DMD: variants seen among roughly 807,000 people sequenced by gnomAD.
DMD encodes mutant dystrophin.
Under a neutral mutation model 330.1 loss-of-function variants are expected in DMD, and 63 were observed. The observed-to-expected ratio is 0.19, with a 90% CI of 0.16 to 0.24. DMD has a LOEUF of 0.24. DMD is among the 10% of genes least tolerant of loss of function. The probability of loss-of-function intolerance (pLI) is 1.00; values close to 1 mark genes in which losing one functional copy is unlikely to be tolerated. For synonymous variants in DMD, 1,223 were observed against 959.8 expected (o/e 1.27, Z -5.07); for missense variants, 3,344 against 2,684.1 (o/e 1.25, Z -5.43).
chrX:31,309,303 T>C (rs964746191), intron 62 of DMD, among the ~76,000 whole-genome samples: 13 of 111,688 alleles, frequency 1.2e-4, no homozygotes, highest in African/African-American at 4.2e-4. Flanking sequence ...TGGGACGTTA[T>C]AGAGGCTCTT....
chrX:32,555,509 A>T (rs368341886), intron 16 of DMD, among the ~76,000 whole-genome samples: 97 of 111,554 alleles, frequency 8.7e-4, no homozygotes, highest in African/African-American at 3.1e-3. Flanking sequence ...TTATTTTTGT[A>T]TTCAGATGAC....
intron 2 of DMD, among the ~76,000 whole-genome samples, chrX:32,912,601 C>G (rs1456886543): frequency 8.9e-6 from 1 of 111,969 alleles, no homozygotes; most frequent in Non-Finnish European, 1.9e-5. Context: ...GCTGCAGTCA[C>G]AGACATGGAT....
At chrX:31,976,296 G>T (rs2095435465) in intron 44 of DMD, among the ~76,000 whole-genome samples, 1 of 111,099 alleles carries the variant, frequency 9.0e-6, no homozygotes, top group Non-Finnish European at 1.9e-5. Flanking sequence ...TACTGGTCTG[G>T]AACTCAGAGG....
chrX:32,744,898 A>G (rs1031234558), intron 7 of DMD, among the ~76,000 whole-genome samples: 2 of 111,996 alleles, frequency 1.8e-5, no homozygotes, highest in African/African-American at 6.5e-5. Context: ...CAGGGCAGTG[A>G]TGCGGGGTGG....
chrX:32,906,467 G>A (rs1193390982), intron 2 of DMD, among the ~76,000 whole-genome samples: 1 of 111,681 alleles, frequency 9.0e-6, no homozygotes, highest in Admixed American at 9.5e-5. Flanking sequence ...ATGCCAGAAT[G>A]GACTAATACA....
intron 11 of DMD, among the ~76,000 whole-genome samples, chrX:32,636,947 G>C (rs996864730): frequency 2.7e-5 from 3 of 109,657 alleles, no homozygotes; most frequent in Non-Finnish European, 5.7e-5. Flanking sequence ...GCAGTGAGCC[G>C]AGATAGCGCC....
At chrX:31,939,831 G>C (rs2094970509) in intron 45 of DMD, among the ~76,000 whole-genome samples, 1 of 111,834 alleles carries the variant, frequency 8.9e-6, no homozygotes, top group Non-Finnish European at 1.9e-5. Context: ...TTGAACTTTT[G>C]ATGAGCCACC....
At chrX:31,461,153 T>C (rs1233359411) in intron 59 of DMD, among the ~76,000 whole-genome samples, 1 of 111,954 alleles carries the variant, frequency 8.9e-6, no homozygotes, top group Non-Finnish European at 1.9e-5. Context: ...GCATTCATTT[T>C]TAAACTAAAT....
chrX:32,447,395 AAAG>A (rs750852059), intron 27 of DMD, among the ~76,000 whole-genome samples: 424 of 111,223 alleles, frequency 3.8e-3, no homozygotes, highest in Non-Finnish European at 6.3e-3. Context: ...ATTTAAAAGA[AAAG>A]AATAAGGATG....
chrX:31,437,150 A>C (rs1312126793), intron 60 of DMD, among the ~76,000 whole-genome samples: 3 of 112,058 alleles, frequency 2.7e-5, no homozygotes, highest in African/African-American at 9.7e-5. Flanking sequence ...ATTGCCACAT[A>C]ATAAAAGTAC....
intron 55 of DMD, among the ~76,000 whole-genome samples, chrX:31,606,198 G>T (rs1374542173): frequency 2.7e-5 from 3 of 111,609 alleles, no homozygotes; most frequent in Non-Finnish European, 5.7e-5. Flanking sequence ...TGCCATGATT[G>T]TAAGTTTCCT....
chrX:31,986,172 A>G (rs773065829), intron 44 of DMD, among the ~76,000 whole-genome samples: 31 of 111,782 alleles, frequency 2.8e-4, no homozygotes, highest in African/African-American at 1.0e-3. Flanking sequence ...ATGGGAGAAT[A>G]ATTAATTATT....
intron 44 of DMD, among the ~76,000 whole-genome samples, chrX:32,166,929 T>C (rs1332062845): frequency 8.9e-6 from 1 of 112,274 alleles, no homozygotes; most frequent in Non-Finnish European, 1.9e-5. Context: ...AATGGTATTA[T>C]GGACAGAACA....
At chrX:31,363,669 T>C (rs759986357) in intron 60 of DMD, among the ~76,000 whole-genome samples, 23 of 112,066 alleles carry the variant, frequency 2.1e-4, no homozygotes, top group Non-Finnish European at 3.9e-4. Flanking sequence ...TGAGCCACCG[T>C]GCCCGGCCAA....
intron 60 of DMD, among the ~76,000 whole-genome samples, chrX:31,396,417 G>A (rs2060942239): frequency 9.0e-6 from 1 of 111,519 alleles, no homozygotes; most frequent in Admixed American, 9.5e-5. Flanking sequence ...GATTACAGGC[G>A]TGAGCCACCG....
intron 43 of DMD, among the ~76,000 whole-genome samples, chrX:32,250,715 T>C (rs932753886): frequency 8.9e-6 from 1 of 112,112 alleles, no homozygotes; most frequent in Admixed American, 9.5e-5. Context: ...CTATCACTGC[T>C]GTCTTAAGCT....
chrX:32,414,362 G>C (rs1333212137), intron 29 of DMD, among the ~76,000 whole-genome samples: 1 of 111,907 alleles, frequency 8.9e-6, no homozygotes, highest in East Asian at 2.8e-4. Flanking sequence ...TATCAAGTTA[G>C]AGCACGTAAC....
intron 42 of DMD, among the ~76,000 whole-genome samples, chrX:32,296,777 T>A: frequency 8.9e-6 from 1 of 112,101 alleles, no homozygotes; most frequent in Non-Finnish European, 1.9e-5. Context: ...AAGCATAAGT[T>A]AAAATATAAG....
At chrX:33,008,904 A>ACG (rs368042662) in intron 2 of DMD, among the ~76,000 whole-genome samples, 7 of 81,900 alleles carry the variant, frequency 8.5e-5, no homozygotes, top group East Asian at 4.2e-4. Flanking sequence ...ATATATACAC[A>ACG]TACTCATATA....
Sources: allele counts gnomAD v4.1 joint callset (sites outside exome capture counted in the v4.1 genomes callset), GRCh38; gene constraint gnomAD v4.1.1; transcripts MANE v1.5; gene names NCBI Gene and HGNC (gene_info 2026-07-23, HGNC 2026-07-21).